AKAP19: variants seen among roughly 807,000 people sequenced by gnomAD.
AKAP19 encodes small A-kinase anchoring protein.
the AKAP19 span, among the ~76,000 whole-genome samples, chr2:190,132,787 G>T: frequency 1.3e-5 from 2 of 151,864 alleles, no homozygotes; most frequent in African/African-American, 4.8e-5. Context: ...AAACAAATGA[G>T]ATTACATCAA....
chr2:190,182,354 C>T, the AKAP19 span, among the ~76,000 whole-genome samples: 30 of 152,126 alleles, frequency 2.0e-4, no homozygotes, highest in Non-Finnish European at 3.7e-4. Flanking sequence ...TGAAAAGGGT[C>T]CATGACCCAA....
At chr2:190,008,730 GCACACACACACACACA>G in the AKAP19 span, among the ~76,000 whole-genome samples, 270 of 120,684 alleles carry the variant, frequency 2.2e-3, 3 homozygotes, top group African/African-American at 6.6e-3. Context: ...ATGTGCACGT[GCACACACACACACACA>G]CACACACACA....
At chr2:190,108,154 GGTTT>G in the AKAP19 span, among the ~76,000 whole-genome samples, 1 of 151,556 alleles carries the variant, frequency 6.6e-6, no homozygotes, top group Non-Finnish European at 1.5e-5. Flanking sequence ...AAAAAATTCT[GGTTT>G]GTTGTTGTTA....
the AKAP19 span, among the ~76,000 whole-genome samples, chr2:190,018,071 C>A: frequency 1.3e-5 from 2 of 152,084 alleles, no homozygotes; most frequent in African/African-American, 4.8e-5. Context: ...CCTGTTTTCA[C>A]AATTTTTTCT....
the AKAP19 span, among the ~76,000 whole-genome samples, chr2:190,060,640 G>C: frequency 6.6e-6 from 1 of 152,014 alleles, no homozygotes; most frequent in African/African-American, 2.4e-5. Context: ...TCAGACGTAT[G>C]TATTTTCAGC....
the AKAP19 span, among the ~76,000 whole-genome samples, chr2:190,190,684 G>GC: frequency 3.9e-5 from 6 of 152,248 alleles, no homozygotes; most frequent in East Asian, 1.2e-3. Flanking sequence ...TATATGCGTT[G>GC]CATGTCCTCA....
At chr2:190,157,815 C>T in the AKAP19 span, among the ~76,000 whole-genome samples, 1 of 152,124 alleles carries the variant, frequency 6.6e-6, no homozygotes, top group Admixed American at 6.5e-5. Context: ...ACATATAAGA[C>T]TTAAAATGTA....
the AKAP19 span, among the ~76,000 whole-genome samples, chr2:189,949,377 C>T: frequency 3.3e-5 from 5 of 151,946 alleles, no homozygotes; most frequent in Admixed American, 2.6e-4. Flanking sequence ...GATGGTGAAA[C>T]CTCATCTCTA....
chr2:190,133,097 G>T, the AKAP19 span, among the ~76,000 whole-genome samples: 1 of 151,752 alleles, frequency 6.6e-6, no homozygotes, highest in African/African-American at 2.4e-5. Context: ...AATTAGCCGG[G>T]CGTGGTGGCG....
the AKAP19 span, among the ~76,000 whole-genome samples, chr2:190,156,671 T>C: frequency 6.6e-6 from 1 of 152,272 alleles, no homozygotes; most frequent in South Asian, 2.1e-4. Context: ...ATGCGCAGCC[T>C]TGCTGGGAGT....
At chr2:190,042,985 G>A in the AKAP19 span, among the ~76,000 whole-genome samples, 1 of 152,182 alleles carries the variant, frequency 6.6e-6, no homozygotes, top group South Asian at 2.1e-4. Context: ...ATTTGTGGTT[G>A]AAGATTTTTT....
At chr2:190,183,103 T>C in the AKAP19 span, among the ~76,000 whole-genome samples, 1 of 152,242 alleles carries the variant, frequency 6.6e-6, no homozygotes, top group Non-Finnish European at 1.5e-5. Context: ...TGTGGCACAG[T>C]AGGAATGGTC....
the AKAP19 span, among the ~76,000 whole-genome samples, chr2:190,195,355 G>C: frequency 6.6e-6 from 1 of 152,156 alleles, no homozygotes; most frequent in Admixed American, 6.5e-5. Flanking sequence ...CAGAACTGCT[G>C]GATCATACAG....
At chr2:190,150,280 C>T in the AKAP19 span, 1 of 152,288 alleles carries the variant, frequency 6.6e-6, no homozygotes, top group South Asian at 2.1e-4. Flanking sequence ...TAGAGATTTC[C>T]TTCTCCCTGT....
chr2:190,064,462 C>T, the AKAP19 span, among the ~76,000 whole-genome samples: 53 of 151,976 alleles, frequency 3.5e-4, no homozygotes, highest in Non-Finnish European at 1.8e-4. Flanking sequence ...AGAACTCAGG[C>T]TCTGGAGTCA....
the AKAP19 span, among the ~76,000 whole-genome samples, chr2:190,197,001 T>C: frequency 3.3e-5 from 5 of 152,328 alleles, no homozygotes; most frequent in East Asian, 9.6e-4. This position sits in a 1 kb window ranked among gnomAD's most constrained non-coding sequence, Gnocchi z 4.0. Context: ...ATATATGGTG[T>C]CTTGTGAAGG....
At chr2:190,053,968 A>T in the AKAP19 span, among the ~76,000 whole-genome samples, 1 of 152,136 alleles carries the variant, frequency 6.6e-6, no homozygotes, top group Admixed American at 6.6e-5. Flanking sequence ...CACTTAAAAA[A>T]TTTTTATATA....
the AKAP19 span, among the ~76,000 whole-genome samples, chr2:189,880,078 C>T: frequency 6.6e-6 from 1 of 152,166 alleles, no homozygotes; most frequent in African/African-American, 2.4e-5. Flanking sequence ...ACGTGATTCT[C>T]TGTGATTTTA....
chr2:189,916,333 T>C, the AKAP19 span, among the ~76,000 whole-genome samples: 25 of 148,308 alleles, frequency 1.7e-4, no homozygotes, highest in African/African-American at 5.9e-4. Context: ...TTTCTTCTTT[T>C]TTTTTTTTTT....
Sources: gnomAD v4.1 joint callset for allele counts (sites outside exome capture counted in the v4.1 genomes callset) on GRCh38, gnomAD v4.1.1 for gene constraint, Gnocchi (gnomAD v3.1) non-coding constraint, MANE v1.5 for transcripts, NCBI Gene and HGNC (gene_info 2026-07-23, HGNC 2026-07-21) for gene names.